The following CTNNA3 variants were observed in gnomAD, a reference collection of about 807,000 sequenced individuals.
CTNNA3 encodes the protein catenin alpha-3.
A neutral mutation model predicts 95.7 loss-of-function variants in CTNNA3; 76 were observed. The observed-to-expected ratio is 0.79, with a 90% CI of 0.66 to 0.96. CTNNA3 has a LOEUF of 0.96. Among genes scored for constraint, CTNNA3 ranks in the 40% least tolerant of loss-of-function variants. CTNNA3 has a pLI of 0.00. For missense variants in CTNNA3, 1,191 were observed against 1,089.8 expected (o/e 1.09, Z -1.31); for synonymous variants, 431 against 374.4 (o/e 1.15, Z -1.74).
intron 9 of CTNNA3, among the ~76,000 whole-genome samples, chr10:66,699,904 G>T (rs544302722): frequency 2.0e-5 from 3 of 152,102 alleles, no homozygotes; most frequent in African/African-American, 7.2e-5. Flanking sequence ...TGATCTGCCT[G>T]CCTTGGCCTC....
rs1182077940 is a variant in CTNNA3 at position 66,157,526 on chromosome 10, GAT to G, written c.1885-54279_1885-54278del. The stretch of plus-strand genomic sequence containing the variant: ...AGATAGATAGATAGATAGATAGATA[GAT>G]AGATAGATAGATAATCACACTTTCT... On this transcript the variant is annotated intron_variant, in intron 13 of 17. Coordinates refer to ENST00000433211, the MANE Select transcript of CTNNA3 (RefSeq NM_013266.4). Among the ~76,000 whole-genome samples the G allele has an allele frequency of 3.7e-4, 43 of 116,086 alleles. No homozygotes were observed. In the East Asian group the frequency reaches 0.011, roughly 29 times the overall value. The allele number at this position is 116,086 out of a possible 152,430, so 76.2% of individuals were successfully genotyped here.
rs773269979 is a variant in CTNNA3 at position 67,539,487 on chromosome 10, G to T, written c.459+16C>A. Reference sequence around the variant, plus strand: ...TGAAGACAATGCCAAGGTAAACTAAGCCATCTTTTACTTACAGCTGACACA... The same window carrying T: ...TGAAGACAATGCCAAGGTAAACTAATCCATCTTTTACTTACAGCTGACACA... On this transcript the variant is annotated intron_variant, in intron 4 of 17. Transcript: ENST00000433211. 5 of 1,611,100 alleles carry T rather than the reference G, an allele frequency of 3.1e-6. No homozygotes were observed. The highest frequency in any genetic ancestry group is 1.1e-5 in the South Asian group (1 of 90,934).
At position 66,864,917 on chromosome 10, in the gene CTNNA3, A is replaced by C. The variant is rs952725825; in HGVS notation, c.1048-89393T>G. Among the ~76,000 whole-genome samples, 8 of 152,278 alleles carry C rather than the reference A, an allele frequency of 5.3e-5. No individual in the cohort carries two copies. The South Asian group carries it at 8.3e-4, about 16-fold the overall frequency. ...TTATAAAAATGATTGTTATATTAAA[A>C]TACGGAATTGTATACATTTAGATAT... On this transcript the variant is annotated intron_variant, in intron 7 of 17. Coordinates refer to ENST00000433211, the MANE Select transcript of CTNNA3 (RefSeq NM_013266.4).
intron 7 of CTNNA3, among the ~76,000 whole-genome samples, chr10:66,982,972 CGCCCTCG>C (rs1377008191): frequency 6.6e-6 from 1 of 152,108 alleles, no homozygotes; most frequent in East Asian, 1.9e-4. Context: ...GCTCTGAAGG[CGCCCTCG>C]GCTCAGGCAG....
Position 66,887,520 on chromosome 10 carries a change from GA to G in CTNNA3, c.1048-111997del, listed in dbSNP as rs931057197. Among the ~76,000 whole-genome samples, 23 of 149,004 alleles carry G rather than the reference GA, an allele frequency of 1.5e-4. No homozygotes were observed. The South Asian group carries it at 3.9e-3, about 25-fold the overall frequency. On this transcript the variant is annotated intron_variant, in intron 7 of 17. Coordinates refer to ENST00000433211, the MANE Select transcript of CTNNA3 (RefSeq NM_013266.4). ...AAGCAAGAGTGAATGTCAGTTGCAG[GA>G]AAAAAAAAATGTGTCCAAAACTTTC... is the stretch of plus-strand genomic sequence containing the variant.
intron 5 of CTNNA3, among the ~76,000 whole-genome samples, chr10:67,335,858 CCTCA>C (rs1377335883): frequency 6.6e-6 from 1 of 151,454 alleles, no homozygotes; most frequent in African/African-American, 2.4e-5. Flanking sequence ...TTTTATTGTG[CCTCA>C]CTTTATGGCA....
At position 66,393,240 on chromosome 10, in the gene CTNNA3, G is replaced by A. The variant is rs1032401324; in HGVS notation, c.1532-13888C>T. 1.5e-4 allele frequency among the ~76,000 whole-genome samples: 23 copies of A among 152,038 alleles called. 1 individual carries two copies. The highest frequency in any genetic ancestry group is 5.2e-4 in the Admixed American group (8 of 15,254). ...GGAGGGTAAAATGTATAGGTAGAGCGTAGGGGATTTTTCCAGATGGTAAAA... is the reference window on the plus strand; with the variant it reads ...GGAGGGTAAAATGTATAGGTAGAGCATAGGGGATTTTTCCAGATGGTAAAA... On this transcript the variant is annotated intron_variant, in intron 11 of 17. Transcript: ENST00000433211.
chr10:66,871,000 T>A (rs1179971619), intron 7 of CTNNA3, among the ~76,000 whole-genome samples: 1 of 152,188 alleles, frequency 6.6e-6, no homozygotes, highest in Non-Finnish European at 1.5e-5. Flanking sequence ...GACTTCTACA[T>A]TTCAATAAAA....
At chr10:66,006,385 C>T (rs374824915) in intron 15 of CTNNA3, among the ~76,000 whole-genome samples, 1 of 152,040 alleles carries the variant, frequency 6.6e-6, no homozygotes, top group African/African-American at 2.4e-5. Flanking sequence ...AACACCCCCC[C>T]ACACCCAACA....
intron 12 of CTNNA3, among the ~76,000 whole-genome samples, chr10:66,348,140 TA>T (rs1245657616): frequency 6.6e-6 from 1 of 152,118 alleles, no homozygotes; most frequent in Non-Finnish European, 1.5e-5. Flanking sequence ...TCCTGACTCT[TA>T]AGCCTCTTCT....
intron 7 of CTNNA3, among the ~76,000 whole-genome samples, chr10:66,958,255 G>A (rs897522635): frequency 2.9e-5 from 4 of 138,982 alleles, no homozygotes; most frequent in Non-Finnish European, 6.0e-5. Context: ...TAGCAACTTA[G>A]CATTTATTGG....
chr10:66,186,281 AGTGTGTGTGT>A (rs60910774), intron 13 of CTNNA3, among the ~76,000 whole-genome samples: 19 of 149,648 alleles, frequency 1.3e-4, no homozygotes, highest in African/African-American at 4.6e-4. Flanking sequence ...ATAAAATGTG[AGTGTGTGTGT>A]GTGTGTGTGT....
intron 7 of CTNNA3, among the ~76,000 whole-genome samples, chr10:67,001,932 G>A (rs879652133): frequency 3.9e-5 from 6 of 152,082 alleles, no homozygotes; most frequent in East Asian, 1.9e-4. Flanking sequence ...TTTCAGTCAG[G>A]GCTTCACCAT....
rs143523511 is a variant in CTNNA3, at chr10:66,074,470, C to A, written c.1978-4981G>T. Among the ~76,000 whole-genome samples the A allele has an allele frequency of 5.7e-3, 872 of 151,924 alleles. 5 individuals are homozygous for A. The highest frequency in any genetic ancestry group is 9.0e-3 in the Admixed American group (137 of 15,204). ...ATCTTACTTCCTTCAACACACTGTA[C>A]CCTCAAGCTAAGCTAAGCTATTTGT... On this transcript the variant is annotated intron_variant, in intron 14 of 17. Transcript: ENST00000433211.
At chr10:66,172,295 T>C (rs2085471602) in intron 13 of CTNNA3, among the ~76,000 whole-genome samples, 3 of 152,170 alleles carry the variant, frequency 2.0e-5, no homozygotes. Flanking sequence ...AATGATCTTT[T>C]CATTAGTTTA....
chr10:66,326,583 A>G (rs1318829374), intron 12 of CTNNA3, among the ~76,000 whole-genome samples: 1 of 152,162 alleles, frequency 6.6e-6, no homozygotes, highest in Non-Finnish European at 1.5e-5. Flanking sequence ...GGTAAAATAT[A>G]TAAACTGAAA....
At chr10:66,901,714 C>A (rs1376336035) in intron 7 of CTNNA3, among the ~76,000 whole-genome samples, 1 of 152,084 alleles carries the variant, frequency 6.6e-6, no homozygotes, top group Non-Finnish European at 1.5e-5. Flanking sequence ...CAAAAAAAAG[C>A]AGGGGTTGCA....
At chr10:66,384,073 C>A (rs553173687) in intron 11 of CTNNA3, among the ~76,000 whole-genome samples, 8 of 152,230 alleles carry the variant, frequency 5.3e-5, no homozygotes, top group African/African-American at 1.9e-4. Context: ...ATCATAATGA[C>A]AGGATCAAAT....
chr10:66,560,816 A>C (rs1324688932), intron 10 of CTNNA3, among the ~76,000 whole-genome samples: 2 of 151,992 alleles, frequency 1.3e-5, no homozygotes, highest in Non-Finnish European at 2.9e-5. Flanking sequence ...GTCTATAAAA[A>C]AAGAAATGAG....
Sources: gnomAD v4.1 joint callset for allele counts (sites outside exome capture counted in the v4.1 genomes callset) on GRCh38, gnomAD v4.1.1 for gene constraint, MANE v1.5 for transcripts, NCBI Gene and HGNC (gene_info 2026-07-23, HGNC 2026-07-21) for gene names.